R3HDM2: variants seen among roughly 807,000 people sequenced by gnomAD.
R3HDM2 encodes the protein R3H domain containing 2.
In R3HDM2, 38 loss-of-function variants were observed where a neutral mutation model predicts 124.5. The observed-to-expected ratio is 0.31, with a 90% CI of 0.24 to 0.40. The LOEUF is 0.40. Among genes scored for constraint, R3HDM2 ranks in the 10% least tolerant of loss-of-function variants. R3HDM2 has a pLI of 1.00. For missense variants in R3HDM2, 869 were observed against 1,236.9 expected, an observed-to-expected ratio of 0.70 and a Z score of 4.46; for synonymous variants, 391 against 448.0, an observed-to-expected ratio of 0.87 and a Z score of 1.61.
chr12:57,365,306 T>C (rs1384205779), intron 2 of R3HDM2, among the ~76,000 whole-genome samples: 2 of 151,818 alleles, frequency 1.3e-5, no homozygotes, highest in Non-Finnish European at 2.9e-5. Flanking sequence ...TCAGATTGGA[T>C]TAGGGCCCTC....
rs2137302202 is a variant in R3HDM2 at position 57,266,756 on chromosome 12, T to C, written c.2106A>G (p.Pro702=). Residue 702 remains proline (P), a synonymous_variant, in exon 19 of 24, where the codon CCA becomes CCG. Coordinates refer to ENST00000402412, the MANE Select transcript of R3HDM2 (RefSeq NM_001394031.1). ...CTGAGTACTGCTGTGGCATCTGTGG[T>C]GGACTGCAGGGAGAGGGAGACTGAG... The part of the protein sequence containing the change: ...QMPQSPSPCS[P]PQMPQQYSGV... 6.2e-7 allele frequency: 1 copy of C among 1,604,834 alleles called. No homozygotes were observed. The highest frequency in any genetic ancestry group is 2.2e-5 in the East Asian group (1 of 44,810).
chr12:57,342,331 T>C (rs1645795261), intron 2 of R3HDM2, among the ~76,000 whole-genome samples: 1 of 150,974 alleles, frequency 6.6e-6, no homozygotes, highest in Non-Finnish European at 1.5e-5. Flanking sequence ...CACCCTTGAA[T>C]GAAATGATAC....
chr12:57,387,966 A>AATTT (rs1555306418), intron 2 of R3HDM2, among the ~76,000 whole-genome samples: 8 of 151,106 alleles, frequency 5.3e-5, no homozygotes, highest in Middle Eastern at 3.4e-3. Flanking sequence ...GACAAAAAAA[A>AATTT]TTTTTTTTTT....
chr12:57,393,026 A>G (rs1431958663), intron 2 of R3HDM2, among the ~76,000 whole-genome samples: 1 of 152,038 alleles, frequency 6.6e-6, no homozygotes, highest in East Asian at 1.9e-4. Flanking sequence ...GTATGGTCTC[A>G]ATCTCCTGAC....
At chr12:57,369,808 A>G (rs1189892976) in intron 2 of R3HDM2, among the ~76,000 whole-genome samples, 1 of 152,200 alleles carries the variant, frequency 6.6e-6, no homozygotes, top group Non-Finnish European at 1.5e-5. Context: ...AAAAATATAT[A>G]TATGAAATTT....
chr12:57,405,265 C>T (rs191863324), intron 1 of R3HDM2, among the ~76,000 whole-genome samples: 2 of 152,100 alleles, frequency 1.3e-5, no homozygotes, highest in Admixed American at 1.3e-4. Flanking sequence ...ACTTTAAAAT[C>T]ATTTAAATTT....
chr12:57,349,240 C>T (rs762177266), intron 2 of R3HDM2, among the ~76,000 whole-genome samples: 4 of 151,164 alleles, frequency 2.6e-5, no homozygotes, highest in African/African-American at 9.7e-5. Context: ...ATTAGCCGGG[C>T]GTGGTGGCAG....
At position 57,413,351 on chromosome 12, in the gene R3HDM2, T is replaced by C. The variant is rs537115395; in HGVS notation, c.-106+17369A>G. 1.7e-3 allele frequency among the ~76,000 whole-genome samples: 255 copies of C among 149,856 alleles called. 2 individuals are homozygous for C. The highest frequency in any genetic ancestry group is 4.6e-3 in the African/African-American group (187 of 40,866). On this transcript the variant is annotated intron_variant, in intron 1 of 23. Coordinates refer to ENST00000402412, the MANE Select transcript of R3HDM2 (RefSeq NM_001394031.1). ...GCTCATGTCTGTACTCCCAACACTT[T>C]GGGATGCTGAGGTGGGAGAATCGCT... is the stretch of plus-strand genomic sequence containing the variant.
intron 2 of R3HDM2, among the ~76,000 whole-genome samples, chr12:57,331,293 G>T (rs2058154990): frequency 6.6e-6 from 1 of 152,246 alleles, no homozygotes; most frequent in African/African-American, 2.4e-5. Flanking sequence ...CAGAGCAGAT[G>T]TCCCTAAAAT....
intron 21 of R3HDM2, among the ~76,000 whole-genome samples, chr12:57,256,972 C>A (rs370391163): frequency 6.6e-6 from 1 of 152,130 alleles, no homozygotes. Context: ...TGTGCCACCA[C>A]GCCTGGCTAA....
chr12:57,301,587 T>C (rs2051179627), intron 4 of R3HDM2, among the ~76,000 whole-genome samples: 1 of 152,202 alleles, frequency 6.6e-6, no homozygotes, highest in African/African-American at 2.4e-5. Context: ...CCCAAAAAAT[T>C]TGAGAGGAAC....
At chr12:57,378,608 G>T (rs2064402975) in intron 2 of R3HDM2, among the ~76,000 whole-genome samples, 1 of 152,044 alleles carries the variant, frequency 6.6e-6, no homozygotes, top group South Asian at 2.1e-4. Context: ...CAAACTCCTG[G>T]ACTCAAGACA....
At chr12:57,414,408 T>C (rs7303542) in intron 1 of R3HDM2, among the ~76,000 whole-genome samples, 34,276 of 145,704 alleles carry the variant, frequency 0.24, 4,331 homozygotes, top group South Asian at 0.43. Context: ...TGAGAACTGC[T>C]TGAACCTGGG....
chr12:57,330,690 T>C lies in R3HDM2; in HGVS notation c.-35-20227A>G, dbSNP rs182417616. Among the ~76,000 whole-genome samples the C allele has an allele frequency of 1.4e-3, 150 of 104,812 alleles. 3 individuals carry two copies. Among genetic ancestry groups the C allele is most frequent in the East Asian group, 7.7e-3 (17 of 2,200 alleles). The allele number at this position is 104,812 out of a possible 152,430, so 68.8% of individuals were successfully genotyped here. On this transcript the variant is annotated intron_variant, in intron 2 of 23. Coordinates refer to ENST00000402412, the MANE Select transcript of R3HDM2 (RefSeq NM_001394031.1). ...TGATTTTTTGTGGCATCTTTAGGGC[T>C]TTTCTTTTTTTTTTTTTTTTTTTTT...
In R3HDM2 at chr12:57,420,526, T is replaced by C. The variant is rs575298597; in HGVS notation, c.-106+10194A>G. Among the ~76,000 whole-genome samples the C allele has an allele frequency of 2.2e-3, 341 of 151,780 alleles. 1 individual carries two copies. Among genetic ancestry groups the C allele is most frequent in the African/African-American group, 7.8e-3 (324 of 41,430 alleles). On this transcript the variant is annotated intron_variant, in intron 1 of 23. Coordinates refer to ENST00000402412, the MANE Select transcript of R3HDM2 (RefSeq NM_001394031.1). Reference sequence around the variant, plus strand: ...ACACACTTTACTGGTTTTCTTTTTTTTTTTTTTTTTTAATAGAGATGAGGT... The same window carrying C: ...ACACACTTTACTGGTTTTCTTTTTTCTTTTTTTTTTTAATAGAGATGAGGT...
chr12:57,391,387 T>A lies in R3HDM2; in HGVS notation c.-36+4362A>T, dbSNP rs1167658019. Reference sequence around the variant, plus strand: ...CAACTGTATATACTATAGGATTCCATCTGTGTAATGTTTTTGAAATAACAA... The same window carrying A: ...CAACTGTATATACTATAGGATTCCAACTGTGTAATGTTTTTGAAATAACAA... On this transcript the variant is annotated intron_variant, in intron 2 of 23. Coordinates refer to ENST00000402412, the MANE Select transcript of R3HDM2 (RefSeq NM_001394031.1). 2.0e-5 allele frequency among the ~76,000 whole-genome samples: 3 copies of A among 152,212 alleles called. No homozygotes were observed. The East Asian group carries it at 5.8e-4, about 29-fold the overall frequency.
At chr12:57,366,086 T>C (rs566249222) in intron 2 of R3HDM2, among the ~76,000 whole-genome samples, 1 of 152,316 alleles carries the variant, frequency 6.6e-6, no homozygotes, top group African/African-American at 2.4e-5. Context: ...GAGACTCCAA[T>C]TACACATATT....
chr12:57,430,036 C>T (rs548989567), intron 1 of R3HDM2, among the ~76,000 whole-genome samples: 2 of 152,278 alleles, frequency 1.3e-5, no homozygotes, highest in South Asian at 4.1e-4. Context: ...TGAATTCAAA[C>T]TTTTCCACTT....
chr12:57,299,381 T>C lies in R3HDM2; in HGVS notation c.392A>G (p.Glu131Gly). 1 of 1,549,856 alleles carries C rather than the reference T, an allele frequency of 6.5e-7. No individual in the cohort carries two copies. The highest frequency in any genetic ancestry group is 1.2e-5 in the South Asian group (1 of 84,024). ...GGACAGCATCTTCCTTGGGATCTTT[T>C]CTTTGTTTTTGTCCTTGTCTTCCTT... ...SEKEDKDKNK[E>G]KIPRKMLSRD... Residue 131 changes from glutamate (E) to glycine (G), a missense_variant, in exon 6 of 24, where the codon GAA (glutamate) becomes GGA (glycine). Transcript: ENST00000402412.
Sources: gnomAD v4.1 joint callset for allele counts (sites outside exome capture counted in the v4.1 genomes callset) on GRCh38, gnomAD v4.1.1 for gene constraint, MANE v1.5 for transcripts, NCBI Gene and HGNC (gene_info 2026-07-23, HGNC 2026-07-21) for gene names.